Variants in SELENOF observed in about 807,000 individuals in gnomAD.
SELENOF encodes 15 kDa selenoprotein.
SELENOF carries 16 observed loss-of-function variants against 20.5 expected under a neutral mutation model. The observed-to-expected ratio is 0.78, with a 90% CI of 0.53 to 1.19. The LOEUF is 1.19. Among genes scored for constraint, SELENOF ranks in the 50% most tolerant of loss-of-function variants. The probability of loss-of-function intolerance (pLI) is 0.00; values close to 1 mark genes in which losing one functional copy is unlikely to be tolerated. For missense variants in SELENOF, 215 were observed against 194.2 expected (o/e 1.11, Z -0.64); for synonymous variants, 78 against 74.5 (o/e 1.05, Z -0.24).
At chr1:86,902,630 A>C (rs1293382129) in intron 2 of SELENOF, among the ~76,000 whole-genome samples, 1 of 152,232 alleles carries the variant, frequency 6.6e-6, no homozygotes, top group African/African-American at 2.4e-5. Flanking sequence ...TGATCTTTCC[A>C]GTCTACTTTA....
chr1:86,875,242 A>G (rs1209710067), intron 3 of SELENOF, among the ~76,000 whole-genome samples: 8 of 75,150 alleles, frequency 1.1e-4, no homozygotes, highest in African/African-American at 9.3e-4. Flanking sequence ...CTCCGTCTCG[A>G]AAAAAAAAAA....
chr1:86,869,061 G>C (rs1658686022), intron 3 of SELENOF, among the ~76,000 whole-genome samples: 1 of 151,994 alleles, frequency 6.6e-6, no homozygotes, highest in Admixed American at 6.6e-5. Flanking sequence ...ACTCACATTC[G>C]GAATTACAAA....
At chr1:86,903,591 T>G in intron 1 of SELENOF, 143 bp from the exon 2 acceptor site, 1 of 641,896 alleles carries the variant, frequency 1.6e-6, no homozygotes, top group Non-Finnish European at 2.4e-6. Flanking sequence ...TTCTTTTAAA[T>G]TTTAATTTAA....
At chr1:86,897,361 T>A (rs928164398) in intron 2 of SELENOF, among the ~76,000 whole-genome samples, 1 of 152,080 alleles carries the variant, frequency 6.6e-6, no homozygotes, top group South Asian at 2.1e-4. Context: ...ACAATAGATA[T>A]AATATAGTGT....
intron 4 of SELENOF, among the ~76,000 whole-genome samples, chr1:86,867,184 G>C (rs1570370141): frequency 6.6e-6 from 1 of 151,904 alleles, no homozygotes; most frequent in African/African-American, 2.4e-5. Flanking sequence ...AAATTATAGA[G>C]ATAATAAAAA....
chr1:86,884,754 T>C (rs1424520599), intron 2 of SELENOF, among the ~76,000 whole-genome samples: 1 of 152,234 alleles, frequency 6.6e-6, no homozygotes, highest in Admixed American at 6.5e-5. Context: ...ATATAACTTC[T>C]AACAGCAAGT....
chr1:86,868,981 A>G (rs1317640715), intron 3 of SELENOF, among the ~76,000 whole-genome samples: 5 of 152,246 alleles, frequency 3.3e-5, no homozygotes, highest in Admixed American at 3.3e-4. Context: ...AAATATACAA[A>G]TGGTCAATAA....
Position 86,863,514 on chromosome 1 carries a change from C to T in SELENOF, c.458G>A (p.Ser153Asn). Residue 153 changes from serine to asparagine, a missense_variant, in exon 5 of 5, where the codon AGT (serine) becomes AAT (asparagine). Transcript: ENST00000331835. ...ELSILKWNTD[S>N]VEEFLSEKLE... ...CTTTTCACTCAGGAATTCTTCTACA[C>T]TGTCTGTGTTCCATTTGAGAATGCT... The T allele has an allele frequency of 6.2e-7, 1 of 1,613,616 alleles. No individual in the cohort carries two copies. Among genetic ancestry groups the T allele is most frequent in the Non-Finnish European group, 8.5e-7 (1 of 1,179,684 alleles).
chr1:86,889,944 A>AT (rs1659334208), intron 2 of SELENOF, among the ~76,000 whole-genome samples: 1 of 152,236 alleles, frequency 6.6e-6, no homozygotes, highest in South Asian at 2.1e-4. Context: ...TTTTTCTGGC[A>AT]TAAGTATTCC....
At chr1:86,886,349 A>T (rs1659217304) in intron 2 of SELENOF, among the ~76,000 whole-genome samples, 1 of 152,116 alleles carries the variant, frequency 6.6e-6, no homozygotes, top group Non-Finnish European at 1.5e-5. Flanking sequence ...GTAAAACAGT[A>T]GGCTCTTTGT....
At chr1:86,900,326 C>A (rs1201853597) in intron 2 of SELENOF, among the ~76,000 whole-genome samples, 2 of 152,220 alleles carry the variant, frequency 1.3e-5, no homozygotes, top group African/African-American at 2.4e-5. Flanking sequence ...CAGACACCGT[C>A]TGCAATCCCG....
intron 3 of SELENOF, among the ~76,000 whole-genome samples, chr1:86,873,044 AAAAT>A (rs71582985): frequency 0.08 from 11,347 of 141,604 alleles, 555 homozygotes; most frequent in Non-Finnish European, 0.095. Context: ...GACTCCGTCT[AAAAT>A]AAATAAATAA....
At chr1:86,892,184 G>A (rs1452264083) in intron 2 of SELENOF, among the ~76,000 whole-genome samples, 4 of 151,642 alleles carry the variant, frequency 2.6e-5, no homozygotes, top group Non-Finnish European at 4.4e-5. Context: ...CACCCCCCCG[G>A]CACGTTGCCT....
At chr1:86,869,627 A>C (rs1658702471) in intron 3 of SELENOF, among the ~76,000 whole-genome samples, 1 of 152,116 alleles carries the variant, frequency 6.6e-6, no homozygotes. Flanking sequence ...GTTGTTATCA[A>C]TCTATACTTT....
At chr1:86,893,277 T>G (rs936589119) in intron 2 of SELENOF, among the ~76,000 whole-genome samples, 7 of 152,160 alleles carry the variant, frequency 4.6e-5, no homozygotes, top group Non-Finnish European at 8.8e-5. Flanking sequence ...ATGTGCTAGC[T>G]CAATCACAAA....
chr1:86,899,517 G>T (rs1441527704), intron 2 of SELENOF, among the ~76,000 whole-genome samples: 2 of 143,668 alleles, frequency 1.4e-5, no homozygotes, highest in East Asian at 4.2e-4. Flanking sequence ...TCACCTCCCG[G>T]ACGGGGCGGC....
intron 2 of SELENOF, among the ~76,000 whole-genome samples, chr1:86,890,032 T>G (rs1201224716): frequency 1.3e-5 from 2 of 152,192 alleles, no homozygotes; most frequent in Admixed American, 1.3e-4. Context: ...CTCTTTATAA[T>G]CCTTTAATTT....
intron 4 of SELENOF, 67 bp from the exon 5 acceptor site, chr1:86,863,672 C>CA: frequency 7.2e-7 from 1 of 1,396,914 alleles, no homozygotes; most frequent in Non-Finnish European, 9.7e-7. Flanking sequence ...TCATCTAAGA[C>CA]AAAGCAATTC....
intron 3 of SELENOF, among the ~76,000 whole-genome samples, chr1:86,872,966 G>A (rs1250177279): frequency 6.6e-6 from 1 of 152,036 alleles, no homozygotes; most frequent in African/African-American, 2.4e-5. Flanking sequence ...CGTGAACCTG[G>A]GAGGCGGAGC....
Sources: gnomAD v4.1 joint callset for allele counts (sites outside exome capture counted in the v4.1 genomes callset) on GRCh38, gnomAD v4.1.1 for gene constraint, MANE v1.5 for transcripts, NCBI Gene and HGNC (gene_info 2026-07-23, HGNC 2026-07-21) for gene names.